The following DENND5B variants were observed in gnomAD, a reference collection of about 807,000 sequenced individuals.
DENND5B encodes DENN domain-containing protein 5B.
Under a neutral mutation model 140.6 loss-of-function variants are expected in DENND5B, and 34 were observed. That is an observed-to-expected ratio of 0.24 (90% CI 0.18 to 0.32). The LOEUF is 0.32. Ranked by LOEUF, DENND5B falls within the 10% of genes least tolerant of loss-of-function variation. The pLI is 1.00. For synonymous variants in DENND5B, 551 were observed against 562.1 expected (o/e 0.98, Z 0.28); for missense variants, 1,142 against 1,560.2 (o/e 0.73, Z 4.52).
chr12:31,401,150 G>C (rs146109300), intron 15 of DENND5B, among the ~76,000 whole-genome samples: 3 of 152,100 alleles, frequency 2.0e-5, no homozygotes, highest in Non-Finnish European at 4.4e-5. Context: ...CCAGAGCTAC[G>C]AGTTCTTAAA....
At chr12:31,552,189 T>C (rs574729627) in intron 1 of DENND5B, among the ~76,000 whole-genome samples, 4 of 152,186 alleles carry the variant, frequency 2.6e-5, no homozygotes, top group East Asian at 1.9e-4. Context: ...CAGTATGATA[T>C]TGGCTGTGGG....
intron 1 of DENND5B, 157 bp downstream of exon 1, chr12:31,590,549 A>T: frequency 1.1e-6 from 1 of 927,894 alleles, no homozygotes; most frequent in South Asian, 2.2e-5. Context: ...TAACAATGTC[A>T]TTAAATCGCG....
intron 1 of DENND5B, among the ~76,000 whole-genome samples, chr12:31,583,884 G>A (rs1213025301): frequency 6.6e-6 from 1 of 152,076 alleles, no homozygotes; most frequent in Non-Finnish European, 1.5e-5. Flanking sequence ...AAATATAATA[G>A]CTAGTTATGG....
At chr12:31,412,936 T>A (rs1447532756) in intron 13 of DENND5B, among the ~76,000 whole-genome samples, 2 of 152,146 alleles carry the variant, frequency 1.3e-5, no homozygotes, top group Non-Finnish European at 2.9e-5. Context: ...CGGCCTTTTT[T>A]TTTTGAGATG....
intron 1 of DENND5B, among the ~76,000 whole-genome samples, chr12:31,519,671 CTG>C (rs1249601408): frequency 1.3e-5 from 2 of 152,188 alleles, no homozygotes; most frequent in Admixed American, 6.5e-5. Context: ...TGTCTGATCA[CTG>C]TAGTTCTTGA....
At chr12:31,488,106 C>T (rs549600256) in intron 2 of DENND5B, among the ~76,000 whole-genome samples, 3 of 150,624 alleles carry the variant, frequency 2.0e-5, no homozygotes, top group African/African-American at 7.3e-5. Context: ...CAAGTGTGTG[C>T]GATTATAGGC....
chr12:31,512,743 C>A (rs998958208), intron 1 of DENND5B, among the ~76,000 whole-genome samples: 1 of 152,072 alleles, frequency 6.6e-6, no homozygotes, highest in African/African-American at 2.4e-5. Context: ...AAACTCATTT[C>A]ATTGTTTTAA....
chr12:31,520,733 G>A (rs567889191), intron 1 of DENND5B, among the ~76,000 whole-genome samples: 2 of 151,874 alleles, frequency 1.3e-5, no homozygotes, highest in Non-Finnish European at 2.9e-5. Context: ...ATAGAGACAG[G>A]GTTTCACTGT....
intron 1 of DENND5B, chr12:31,590,146 C>CA: frequency 6.6e-6 from 1 of 152,290 alleles, no homozygotes; most frequent in East Asian, 1.9e-4. Flanking sequence ...CGCAGAGCGG[C>CA]AGGCGGCGCA....
intron 1 of DENND5B, among the ~76,000 whole-genome samples, chr12:31,524,108 G>A (rs539511443): frequency 3.4e-5 from 5 of 145,860 alleles, no homozygotes; most frequent in South Asian, 4.3e-4. Flanking sequence ...AAGTGGTGAC[G>A]AATCAATTAA....
intron 1 of DENND5B, chr12:31,499,531 C>T (rs1946923717): frequency 8.1e-7 from 1 of 1,231,776 alleles, no homozygotes; most frequent in Non-Finnish European, 1.1e-6. Context: ...AATAAAGAAA[C>T]ATTTATAATG....
At chr12:31,440,683 G>C (rs1036684552) in intron 7 of DENND5B, among the ~76,000 whole-genome samples, 3 of 152,088 alleles carry the variant, frequency 2.0e-5, no homozygotes, top group East Asian at 1.9e-4. Context: ...TTTTGAAAGA[G>C]GGTCTTTGCA....
At chr12:31,455,741 G>C (rs548231572) in intron 4 of DENND5B, among the ~76,000 whole-genome samples, 15 of 152,298 alleles carry the variant, frequency 9.8e-5, no homozygotes, top group Non-Finnish European at 1.9e-4. Context: ...ACAAAAGTGG[G>C]CTGGGCATGG....
intron 1 of DENND5B, among the ~76,000 whole-genome samples, chr12:31,552,859 G>A (rs1389823033): frequency 3.3e-5 from 5 of 152,176 alleles, no homozygotes; most frequent in Non-Finnish European, 2.9e-5. Context: ...TTGCGTAGAG[G>A]TGTTTATAGT....
rs1940710664 is a variant in DENND5B at position 31,383,350 on chromosome 12, C to T, written c.*4253G>A. On this transcript the variant is annotated 3_prime_UTR_variant, in exon 21 of 21. Coordinates refer to ENST00000389082, the MANE Select transcript of DENND5B (RefSeq NM_144973.4). ...GATGTCAACATATACTACACATAAGCTGTTGTATAGTCTTGAACCTCTTTT... is the reference window on the plus strand; with the variant it reads ...GATGTCAACATATACTACACATAAGTTGTTGTATAGTCTTGAACCTCTTTT... 6.6e-6 allele frequency: 1 copy of T among 152,122 alleles called. No homozygotes were observed. The highest frequency in any genetic ancestry group is 1.5e-5 in the Non-Finnish European group (1 of 68,026). 9.4% of individuals were successfully genotyped at this position (152,122 alleles called of 1,614,324 possible). A position where few individuals can be genotyped will look rare whatever the true frequency, so the allele number is the denominator to read the frequency against.
rs1944334392 is a variant in DENND5B, at chr12:31,447,776, T to A, written c.1630-7A>T. Reference sequence around the variant, plus strand: ...GGTCAGACAGAAAGGAAGCCTGTAATGAGATAATTAGGAAATTATTAGTGC... The same window carrying A: ...GGTCAGACAGAAAGGAAGCCTGTAAAGAGATAATTAGGAAATTATTAGTGC... On this transcript the variant is annotated splice_region_variant and splice_polypyrimidine_tract_variant and intron_variant, in intron 5 of 20. Transcript: ENST00000389082. The A allele has an allele frequency of 6.4e-7, 1 of 1,566,124 alleles. No individual in the cohort carries two copies. The highest frequency in any genetic ancestry group is 8.7e-7 in the Non-Finnish European group (1 of 1,152,104).
At chr12:31,549,073 A>T (rs1665001291) in intron 1 of DENND5B, among the ~76,000 whole-genome samples, 1 of 152,024 alleles carries the variant, frequency 6.6e-6, no homozygotes. Context: ...TTCTTTAAAA[A>T]TTTTTTTAGA....
chr12:31,428,017 C>G (rs1457300523), intron 8 of DENND5B, among the ~76,000 whole-genome samples: 2 of 152,178 alleles, frequency 1.3e-5, no homozygotes, highest in Non-Finnish European at 2.9e-5. Flanking sequence ...ACCTCCCAAC[C>G]TTTGTGACGA....
intron 5 of DENND5B, among the ~76,000 whole-genome samples, chr12:31,448,160 G>C (rs975324808): frequency 1.3e-5 from 2 of 151,318 alleles, no homozygotes; most frequent in African/African-American, 4.9e-5. Flanking sequence ...TTGAGATGGA[G>C]TCTCGCTCTG....
Sources: gnomAD v4.1 joint callset for allele counts (sites outside exome capture counted in the v4.1 genomes callset) on GRCh38, gnomAD v4.1.1 for gene constraint, MANE v1.5 for transcripts, NCBI Gene and HGNC (gene_info 2026-07-23, HGNC 2026-07-21) for gene names.